Variants in MECOM observed in about 807,000 individuals in gnomAD.
MECOM encodes the protein histone-lysine N-methyltransferase MECOM.
Under a neutral mutation model 116.3 loss-of-function variants are expected in MECOM, and 13 were observed. The observed-to-expected ratio is 0.11, with a 90% confidence interval of 0.07 to 0.18. MECOM has a LOEUF of 0.18. MECOM is among the 10% of genes least tolerant of loss of function. The pLI is 1.00. For synonymous variants in MECOM, 528 were observed against 535.2 expected, an observed-to-expected ratio of 0.99 and a Z score of 0.19; for missense variants, 1,299 against 1,509.0, an observed-to-expected ratio of 0.86 and a Z score of 2.31.
intron 1 of MECOM, among the ~76,000 whole-genome samples, chr3:169,385,836 G>A (rs1733229765): frequency 6.6e-6 from 1 of 152,086 alleles, no homozygotes; most frequent in Admixed American, 6.5e-5. Context: ...CTGACAGATT[G>A]GGCACGTTTA....
intron 1 of MECOM, among the ~76,000 whole-genome samples, chr3:169,636,334 T>TA (rs1279835391): frequency 6.6e-6 from 1 of 152,214 alleles, no homozygotes; most frequent in Non-Finnish European, 1.5e-5. Flanking sequence ...TTTTTAAGAC[T>TA]AAGGGGTTAA....
chr3:169,441,744 T>TTTTTTTTTTTTTTTTTTTTTTTTTTTTG lies in MECOM; in HGVS notation c.38-60221_38-60220insCAAAAAAAAAAAAAAAAAAAAAAAAAAA, dbSNP rs1237906532. On this transcript the variant is annotated intron_variant, in intron 1 of 16. Transcript: ENST00000651503. ...TCTTCTCTTCTTTTTTTTTTTTTTT[T>TTTTTTTTTTTTTTTTTTTTTTTTTTTTG]AAAAAAGGGGGGGTCTTGCTCTGTC... Among the ~76,000 whole-genome samples the TTTTTTTTTTTTTTTTTTTTTTTTTTTTG allele has an allele frequency of 9.6e-4, 137 of 142,016 alleles. 20 individuals carry two copies. The highest frequency in any genetic ancestry group is 2.8e-3 in the East Asian group (13 of 4,664). 93.2% of individuals were successfully genotyped at this position (142,016 alleles called of 152,430 possible). A position where few individuals can be genotyped will look rare whatever the true frequency, so the allele number is the denominator to read the frequency against.
At chr3:169,347,304 C>T (rs1725528921) in intron 2 of MECOM, among the ~76,000 whole-genome samples, 1 of 151,862 alleles carries the variant, frequency 6.6e-6, no homozygotes. Flanking sequence ...GAATTAGCTA[C>T]ATAGAGAAAG....
intron 8 of MECOM, among the ~76,000 whole-genome samples, chr3:169,114,687 T>C (rs1216911574): frequency 1.3e-5 from 2 of 152,146 alleles, no homozygotes; most frequent in Non-Finnish European, 2.9e-5. Context: ...AGAAAACTAG[T>C]ATTTTAAAAC....
At chr3:169,529,885 G>A (rs1418718768) in intron 1 of MECOM, among the ~76,000 whole-genome samples, 1 of 152,188 alleles carries the variant, frequency 6.6e-6, no homozygotes, top group Non-Finnish European at 1.5e-5. Flanking sequence ...CAGACACTGT[G>A]TTGGGCACTG....
At chr3:169,549,027 G>A (rs921629818) in intron 1 of MECOM, among the ~76,000 whole-genome samples, 3 of 145,444 alleles carry the variant, frequency 2.1e-5, no homozygotes, top group Non-Finnish European at 3.0e-5. Context: ...AAGCTGGAGT[G>A]CAGTGGCACG....
intron 2 of MECOM, among the ~76,000 whole-genome samples, chr3:169,305,237 G>A (rs869205973): frequency 6.6e-6 from 1 of 152,160 alleles, no homozygotes; most frequent in Non-Finnish European, 1.5e-5. Flanking sequence ...CATATTCAGT[G>A]AAGTTAATTA....
intron 2 of MECOM, among the ~76,000 whole-genome samples, chr3:169,378,131 A>G (rs1355356213): frequency 1.3e-5 from 2 of 150,912 alleles, no homozygotes; most frequent in Non-Finnish European, 3.0e-5. Context: ...ATGAGAACAC[A>G]TGGACAGAGA....
At chr3:169,522,450 C>CTTAG in intron 1 of MECOM, among the ~76,000 whole-genome samples, 1 of 152,206 alleles carries the variant, frequency 6.6e-6, no homozygotes, top group East Asian at 1.9e-4. Flanking sequence ...TAATAACAGA[C>CTTAG]TTAGCATCCT....
chr3:169,588,843 T>A (rs115609535), intron 1 of MECOM, among the ~76,000 whole-genome samples: 1 of 152,092 alleles, frequency 6.6e-6, no homozygotes, highest in African/African-American at 2.4e-5. Flanking sequence ...TTGATATATA[T>A]GTATGAATTG....
intron 1 of MECOM, among the ~76,000 whole-genome samples, chr3:169,556,384 G>A (rs971493080): frequency 2.0e-5 from 3 of 152,156 alleles, no homozygotes; most frequent in Non-Finnish European, 2.9e-5. Context: ...AAAGATACTT[G>A]AATGACTTTG....
At chr3:169,099,122 A>G (rs531300406) in intron 12 of MECOM, among the ~76,000 whole-genome samples, 12 of 140,254 alleles carry the variant, frequency 8.6e-5, no homozygotes, top group African/African-American at 3.1e-4. Context: ...GGAAAAAAAA[A>G]AAAAAAAACC....
chr3:169,286,097 A>G (rs1397548148), intron 2 of MECOM, among the ~76,000 whole-genome samples: 1 of 152,242 alleles, frequency 6.6e-6, no homozygotes, highest in Non-Finnish European at 1.5e-5. Context: ...TCTCCTTGCC[A>G]TCATCAGCAA....
At chr3:169,472,523 A>G (rs200279287) in intron 1 of MECOM, among the ~76,000 whole-genome samples, 3,443 of 63,246 alleles carry the variant, frequency 0.054, 75 homozygotes, top group South Asian at 0.07. Flanking sequence ...GAAAGGAAAG[A>G]AAAGAAAAGA....
At chr3:169,652,598 G>C (rs937014257) in intron 1 of MECOM, among the ~76,000 whole-genome samples, 1 of 152,174 alleles carries the variant, frequency 6.6e-6, no homozygotes, top group Non-Finnish European at 1.5e-5. Context: ...AATGACAGAT[G>C]GGGGTTAGAG....
At chr3:169,433,052 T>A (rs1741899170) in intron 1 of MECOM, among the ~76,000 whole-genome samples, 1 of 152,220 alleles carries the variant, frequency 6.6e-6, no homozygotes, top group Non-Finnish European at 1.5e-5. Context: ...ACATTTTTCT[T>A]TTGGAATCAA....
At chr3:169,212,718 T>C (rs1245501059) in intron 2 of MECOM, among the ~76,000 whole-genome samples, 1 of 142,314 alleles carries the variant, frequency 7.0e-6, no homozygotes, top group Admixed American at 7.2e-5. Flanking sequence ...CTCCACTTTG[T>C]CACCTCTCCA....
At chr3:169,283,068 A>G (rs531790124) in intron 2 of MECOM, among the ~76,000 whole-genome samples, 4 of 152,338 alleles carry the variant, frequency 2.6e-5, no homozygotes, top group African/African-American at 9.6e-5. Flanking sequence ...TGAGTTGCTC[A>G]GGATCAGAGA....
chr3:169,506,235 T>G (rs1270646942), intron 1 of MECOM, among the ~76,000 whole-genome samples: 1 of 152,224 alleles, frequency 6.6e-6, no homozygotes, highest in Non-Finnish European at 1.5e-5. Flanking sequence ...TTGAGAAATC[T>G]TCAGATGTCC....
Sources: allele counts gnomAD v4.1 joint callset (sites outside exome capture counted in the v4.1 genomes callset), GRCh38; gene constraint gnomAD v4.1.1; transcripts MANE v1.5; gene names NCBI Gene and HGNC (gene_info 2026-07-23, HGNC 2026-07-21).